FNBP1: variants seen among roughly 807,000 people sequenced by gnomAD.
FNBP1 encodes the protein formin binding protein 1.
Under a neutral mutation model 90.6 loss-of-function variants are expected in FNBP1, and 26 were observed. That is an observed-to-expected ratio of 0.29 (90% CI 0.21 to 0.40). The LOEUF (loss-of-function observed/expected upper bound fraction) is 0.40, where lower values mean the gene tolerates loss of function less well. Among genes scored for constraint, FNBP1 ranks in the 10% least tolerant of loss-of-function variants. The pLI, the probability that FNBP1 is intolerant of heterozygous loss-of-function variation, is 1.00. For missense variants in FNBP1, 635 were observed against 768.0 expected, an observed-to-expected ratio of 0.83 and a Z score of 2.05; for synonymous variants, 260 against 265.2, an observed-to-expected ratio of 0.98 and a Z score of 0.19.
intron 11 of FNBP1, 46 bp from the exon 12 acceptor site, chr9:129,909,045 CCT>C: frequency 1.4e-6 from 2 of 1,389,802 alleles, no homozygotes; most frequent in Non-Finnish European, 2.0e-6. Flanking sequence ...CCCAGGCTTT[CCT>C]TGAAAGAAGG....
At chr9:129,916,557 C>T (rs1219387794) in intron 10 of FNBP1, among the ~76,000 whole-genome samples, 1 of 150,094 alleles carries the variant, frequency 6.7e-6, no homozygotes, top group Non-Finnish European at 1.5e-5. Context: ...ACGGAGGTTG[C>T]AGTGAGCTGA....
intron 2 of FNBP1, among the ~76,000 whole-genome samples, chr9:129,980,906 C>G (rs954840071): frequency 2.0e-5 from 3 of 151,736 alleles, no homozygotes; most frequent in African/African-American, 7.2e-5. Context: ...AAAAAATTAG[C>G]TGGGCATGGT....
rs766986555 is a variant in FNBP1 at position 129,985,152 on chromosome 9, C to A, written c.141-5778G>T. ...AGCAAACCAAGCAGAACATATAATA[C>A]CCCAGCCTCAAGTGGAACTCAAAGG... On this transcript the variant is annotated intron_variant, in intron 2 of 16. Coordinates refer to ENST00000446176, the MANE Select transcript of FNBP1 (RefSeq NM_015033.3). 2.6e-5 allele frequency among the ~76,000 whole-genome samples: 4 copies of A among 151,972 alleles called. No homozygotes were observed. The South Asian group carries it at 6.2e-4, about 24-fold the overall frequency.
chr9:130,040,616 C>T (rs1313168586), intron 1 of FNBP1, among the ~76,000 whole-genome samples: 5 of 121,992 alleles, frequency 4.1e-5, no homozygotes, highest in Admixed American at 1.8e-4. Context: ...CAGAGCAAGA[C>T]TCCGTCTCAG....
chr9:129,908,880 T>C lies in FNBP1; in HGVS notation c.1295+10A>G. The C allele has an allele frequency of 6.4e-7, 1 of 1,554,604 alleles. No individual in the cohort carries two copies. Among genetic ancestry groups the C allele is most frequent in the Non-Finnish European group, 8.9e-7 (1 of 1,128,402 alleles). On this transcript the variant is annotated intron_variant, in intron 12 of 16. Coordinates refer to ENST00000446176, the MANE Select transcript of FNBP1 (RefSeq NM_015033.3). ...TGAATTTCTTAATAAGTCATATTGA[T>C]GCACTATACCTTTGATCCATCTCCT... is the stretch of plus-strand genomic sequence containing the variant.
chr9:130,037,936 AG>A (rs1038679855), intron 1 of FNBP1, among the ~76,000 whole-genome samples: 5 of 152,196 alleles, frequency 3.3e-5, no homozygotes, highest in Non-Finnish European at 5.9e-5. Context: ...TTCCCAGTAC[AG>A]TTGGTAGACA....
chr9:129,994,288 T>C (rs1456225448), intron 2 of FNBP1, among the ~76,000 whole-genome samples: 12 of 152,034 alleles, frequency 7.9e-5, no homozygotes, highest in Non-Finnish European at 1.2e-4. Flanking sequence ...AAACGTAATA[T>C]AGAACAAAAG....
In FNBP1 at chr9:129,907,370, C is replaced by T. The variant is rs528549714; in HGVS notation, c.1295+1520G>A. 8.5e-5 allele frequency among the ~76,000 whole-genome samples: 13 copies of T among 152,286 alleles called. No individual in the cohort carries two copies. In the East Asian group the frequency reaches 1.5e-3, roughly 18 times the overall value. On this transcript the variant is annotated intron_variant, in intron 12 of 16. Coordinates refer to ENST00000446176, the MANE Select transcript of FNBP1 (RefSeq NM_015033.3). ...TTCGCAGACACTTATGTGCCAGGCA[C>T]GGTTCCAAGCATGTTATGCACACTG...
At chr9:129,917,791 A>G (rs1039217106) in intron 10 of FNBP1, among the ~76,000 whole-genome samples, 1 of 152,244 alleles carries the variant, frequency 6.6e-6, no homozygotes, top group Non-Finnish European at 1.5e-5. Context: ...TGGTACATAC[A>G]GTCACATTCC....
At chr9:130,007,290 A>G (rs2055901087) in intron 1 of FNBP1, among the ~76,000 whole-genome samples, 1 of 151,534 alleles carries the variant, frequency 6.6e-6, no homozygotes, top group South Asian at 2.1e-4. Context: ...AGACACATAG[A>G]GTACAAAAAG....
rs768001434 is a variant in FNBP1 at position 129,957,577 on chromosome 9, GGTCTCA to G, written c.409-119_409-114del. On this transcript the variant is annotated intron_variant, in intron 5 of 16. Transcript: ENST00000446176. The surrounding 1 kb of genome is among the most constrained non-coding windows in gnomAD (Gnocchi z 4.3). ...TTTTCTTTTTTTTTTCTTCAGTCAG[GGTCTCA>G]CTTTGTCACCCAGGCTGGAGTGCAG... 3 of 862,790 alleles carry G rather than the reference GGTCTCA, an allele frequency of 3.5e-6. No individual in the cohort carries two copies. The highest frequency in any genetic ancestry group is 5.3e-6 in the Non-Finnish European group (3 of 567,962). 53.4% of individuals were successfully genotyped at this position (862,790 alleles called of 1,614,324 possible).
intron 4 of FNBP1, among the ~76,000 whole-genome samples, chr9:129,970,568 G>A (rs2049300070): frequency 6.6e-6 from 1 of 152,156 alleles, no homozygotes; most frequent in South Asian, 2.1e-4. Context: ...GAAAAATGAG[G>A]ATTTTTGATT....
At position 129,887,728 on chromosome 9, in the gene FNBP1, T is replaced by A. The variant is rs1049098597; in HGVS notation, c.*2811A>T. The stretch of plus-strand genomic sequence containing the variant: ...AGGAAAAACTGGGTAAAGGACAAGT[T>A]CCTCCCTTTCACTGCGTTTCTAAGA... On this transcript the variant is annotated 3_prime_UTR_variant, in exon 17 of 17. Coordinates refer to ENST00000446176, the MANE Select transcript of FNBP1 (RefSeq NM_015033.3). 4.5e-6 allele frequency: 1 copy of A among 224,444 alleles called. No homozygotes were observed. The highest frequency in any genetic ancestry group is 2.2e-5 in the African/African-American group (1 of 44,842). The allele number at this position is 224,444 out of a possible 1,614,324, so 13.9% of individuals were successfully genotyped here.
chr9:129,931,976 G>A (rs763011695), intron 6 of FNBP1, among the ~76,000 whole-genome samples: 1 of 152,118 alleles, frequency 6.6e-6, no homozygotes, highest in Non-Finnish European at 1.5e-5. Context: ...ACTTTGGGAG[G>A]CTGAGGCGGG....
At chr9:129,937,780 T>G (rs1478475159) in intron 6 of FNBP1, among the ~76,000 whole-genome samples, 3 of 151,884 alleles carry the variant, frequency 2.0e-5, no homozygotes, top group Non-Finnish European at 2.9e-5. Flanking sequence ...TTTGACAAAT[T>G]TATAAGGGCA....
At chr9:130,053,467 T>C in the FNBP1 span, 1 of 173,550 alleles carries the variant, frequency 5.8e-6, no homozygotes, top group Non-Finnish European at 1.2e-5. Context: ...GTGAAGCGCC[T>C]AGAAAACCAC....
intron 15 of FNBP1, among the ~76,000 whole-genome samples, chr9:129,899,489 C>T (rs549401949): frequency 9.3e-4 from 141 of 152,172 alleles, no homozygotes; most frequent in Non-Finnish European, 1.8e-3. Flanking sequence ...GGCAGGAGTA[C>T]TGCTTGAATC....
At chr9:130,047,882 T>C (rs1051944070), upstream of FNBP1, among the ~76,000 whole-genome samples, 1 of 152,186 alleles carries the variant, frequency 6.6e-6, no homozygotes, top group African/African-American at 2.4e-5. Flanking sequence ...CAGATATTTA[T>C]ATAGCTGTAG....
At chr9:129,984,276 A>C (rs1281281875) in intron 2 of FNBP1, among the ~76,000 whole-genome samples, 3 of 152,200 alleles carry the variant, frequency 2.0e-5, no homozygotes, top group Non-Finnish European at 4.4e-5. Context: ...AAAATAAAAA[A>C]AATAAAAAAA....
Sources: gnomAD v4.1 joint callset for allele counts (sites outside exome capture counted in the v4.1 genomes callset) on GRCh38, gnomAD v4.1.1 for gene constraint, Gnocchi (gnomAD v3.1) non-coding constraint, MANE v1.5 for transcripts, NCBI Gene and HGNC (gene_info 2026-07-23, HGNC 2026-07-21) for gene names.